The following WASL variants were observed in gnomAD, a reference collection of about 807,000 sequenced individuals.
WASL encodes the protein actin nucleation-promoting factor WASL.
A neutral mutation model predicts 55.5 loss-of-function variants in WASL; 20 were observed. The observed-to-expected ratio is 0.36, with a 90% confidence interval of 0.25 to 0.52. WASL has a LOEUF of 0.52. Among genes scored for constraint, WASL ranks in the 20% least tolerant of loss-of-function variants. The pLI is 0.92. For synonymous variants in WASL, 249 were observed against 217.6 expected, an observed-to-expected ratio of 1.14 and a Z score of -1.27; for missense variants, 504 against 622.5, an observed-to-expected ratio of 0.81 and a Z score of 2.03.
intron 2 of WASL, among the ~76,000 whole-genome samples, chr7:123,708,749 T>C (rs894012380): frequency 1.3e-5 from 2 of 151,912 alleles, no homozygotes; most frequent in East Asian, 3.9e-4. Context: ...TCTACGCTAT[T>C]CTATAATGAA....
chr7:123,699,526 C>CA (rs1803545103), intron 5 of WASL, among the ~76,000 whole-genome samples: 1 of 152,152 alleles, frequency 6.6e-6, no homozygotes, highest in Non-Finnish European at 1.5e-5. Flanking sequence ...GCCACTTTAG[C>CA]TTATATAAAA....
At chr7:123,740,187 A>C (rs1419645306) in intron 1 of WASL, among the ~76,000 whole-genome samples, 1 of 152,120 alleles carries the variant, frequency 6.6e-6, no homozygotes, top group African/African-American at 2.4e-5. Flanking sequence ...TATATCTCAT[A>C]CATATGTCAG....
intron 1 of WASL, among the ~76,000 whole-genome samples, chr7:123,737,292 A>G (rs1804250383): frequency 1.3e-5 from 2 of 152,174 alleles, no homozygotes; most frequent in African/African-American, 2.4e-5. Context: ...CTTGTAATTT[A>G]GTAAATTATA....
In WASL at chr7:123,689,073, C is replaced by A. The variant is rs1317450307; in HGVS notation, c.1425G>T (p.Met475Ile). Reference sequence around the variant, plus strand: ...AATGAATGGCTTTGCTCCTTTTCTGCATCACTTCCATTAATGCACCCACAA... The same window carrying A: ...AATGAATGGCTTTGCTCCTTTTCTGAATCACTTCCATTAATGCACCCACAA... ...SGIVGALMEV[M>I]QKRSKAIHSS... The change falls in exon 10 of 11, where the codon ATG becomes ATT. Residue 475 changes from methionine (M) to isoleucine (I), a missense_variant. Physicochemically the swap from Met to Ile is conservative, Grantham distance 10. This residue lies in a region of WASL where 53 missense variants were observed against 69.1 expected (regional missense o/e 0.77). Coordinates refer to ENST00000223023, the MANE Select transcript of WASL (RefSeq NM_003941.4). 6.2e-7 allele frequency: 1 copy of A among 1,609,044 alleles called. No homozygotes were observed. The highest frequency in any genetic ancestry group is 1.3e-5 in the African/African-American group (1 of 74,460).
chr7:123,713,400 A>C (rs577698092), intron 1 of WASL, among the ~76,000 whole-genome samples: 15 of 152,006 alleles, frequency 9.9e-5, no homozygotes, highest in Non-Finnish European at 1.6e-4. Context: ...TGATCCTCCT[A>C]CCTTGGCCTC....
chr7:123,715,712 C>G (rs958956323), intron 1 of WASL, among the ~76,000 whole-genome samples: 1 of 152,228 alleles, frequency 6.6e-6, no homozygotes, highest in Non-Finnish European at 1.5e-5. Context: ...GTGTGCTACA[C>G]AGCAGGCTTA....
At chr7:123,730,541 TA>T (rs369061122) in intron 1 of WASL, among the ~76,000 whole-genome samples, 135 of 151,598 alleles carry the variant, frequency 8.9e-4, no homozygotes, top group African/African-American at 3.2e-3. Flanking sequence ...GGCAACCACT[TA>T]AAAAATTGTA....
intron 1 of WASL, among the ~76,000 whole-genome samples, chr7:123,722,087 TAA>T (rs1010944436): frequency 9.2e-5 from 14 of 152,088 alleles, no homozygotes; most frequent in Non-Finnish European, 1.6e-4. Flanking sequence ...TACTGTTTAA[TAA>T]GGTCACCACT....
chr7:123,747,523 A>G (rs1804453434), intron 1 of WASL, among the ~76,000 whole-genome samples: 1 of 152,214 alleles, frequency 6.6e-6, no homozygotes, highest in South Asian at 2.1e-4. Context: ...CTAACTTCTT[A>G]AAGAAGCAGG....
At chr7:123,730,054 T>C (rs1382678147) in intron 1 of WASL, among the ~76,000 whole-genome samples, 4 of 151,888 alleles carry the variant, frequency 2.6e-5, no homozygotes, top group African/African-American at 7.3e-5. Context: ...AGTGAAAGAG[T>C]TGAGTGAAAT....
chr7:123,689,125 G>T lies in WASL; in HGVS notation c.1373C>A (p.Pro458Gln), dbSNP rs1249485286. The change falls in exon 10 of 11, where the codon CCA (proline) becomes CAA (glutamine). Residue 458 changes from proline to glutamine, a missense_variant. Around this residue, in one of 5 missense-constraint regions of WASL, gnomAD observed 53 missense variants for 69.1 expected, o/e 0.77. Coordinates refer to ENST00000223023, the MANE Select transcript of WASL (RefSeq NM_003941.4). ...TCCTGAAGTGGGTGCAGGTGTTGGTGGTGTAGACTCTTGGCCATCAGCCAC... is the reference window on the plus strand; with the variant it reads ...TCCTGAAGTGGGTGCAGGTGTTGGTTGTGTAGACTCTTGGCCATCAGCCAC... ...KSVADGQEST[P>Q]PTPAPTSGIV... 1.2e-6 allele frequency: 2 copies of T among 1,613,536 alleles called. No homozygotes were observed.
chr7:123,699,561 T>G (rs1803545688), intron 5 of WASL, among the ~76,000 whole-genome samples: 1 of 152,216 alleles, frequency 6.6e-6, no homozygotes, highest in South Asian at 2.1e-4. Context: ...TATAGATGAC[T>G]AGCATGGAAA....
At chr7:123,720,098 C>G (rs1803915724) in intron 1 of WASL, among the ~76,000 whole-genome samples, 1 of 152,180 alleles carries the variant, frequency 6.6e-6, no homozygotes. Context: ...TGTTTCCCAA[C>G]AACCAGTTTA....
intron 6 of WASL, 119 bp downstream of exon 6, chr7:123,696,460 A>T (rs536225655): frequency 1.7e-5 from 16 of 934,024 alleles, no homozygotes; most frequent in Middle Eastern, 3.6e-4. Context: ...AACGGTATCC[A>T]AGTGATGAAT....
rs1387645886 is a variant in WASL at position 123,682,562 on chromosome 7, A to C, written c.*1957T>G. ...TACCAAAGTCAGCTGGAAAATCTAG[A>C]ATTTCTTGGCCACAAGTTAAGAGAG... On this transcript the variant is annotated 3_prime_UTR_variant, in exon 11 of 11. Transcript: ENST00000223023. 6.6e-6 allele frequency: 1 copy of C among 152,132 alleles called. No individual in the cohort carries two copies. The highest frequency in any genetic ancestry group is 1.9e-4 in the East Asian group (1 of 5,202). The allele number at this position is 152,132 out of a possible 1,614,324, so 9.4% of individuals were successfully genotyped here.
At position 123,696,579 on chromosome 7, in the gene WASL, T is replaced by C; in HGVS notation, c.629A>G (p.Gln210Arg). 6.4e-7 allele frequency: 1 copy of C among 1,571,724 alleles called. No individual in the cohort carries two copies. Among genetic ancestry groups the C allele is most frequent in the Non-Finnish European group, 8.6e-7 (1 of 1,161,432 alleles). Reference sequence around the variant, plus strand: ...AAGAACAACAAAAGAACTGTCTTACTGGAAATTGCTTGGTGTTCCTATATC... The same window carrying C: ...AAGAACAACAAAAGAACTGTCTTACCGGAAATTGCTTGGTGTTCCTATATC... Reference protein sequence around the residue: ...KADIGTPSNFQHIGHVGWDPN... With the variant: ...KADIGTPSNFRHIGHVGWDPN... Residue 210 changes from glutamine to arginine, a missense_variant and splice_region_variant, in exon 6 of 11, where the codon CAG becomes CGG. Physicochemically the swap from Gln to Arg is conservative, Grantham distance 43 (BLOSUM62 1). Around this residue, in one of 5 missense-constraint regions of WASL, gnomAD observed 230 missense variants for 271.9 expected, o/e 0.85. Transcript: ENST00000223023.
intron 6 of WASL, 86 bp from the exon 7 acceptor site, chr7:123,695,951 T>C (rs942574599): frequency 8.7e-6 from 12 of 1,384,706 alleles, no homozygotes; most frequent in African/African-American, 5.8e-5. Context: ...CAATCTACAT[T>C]TGGCTTTGAA....
chr7:123,741,462 T>A (rs1007809682), intron 1 of WASL, among the ~76,000 whole-genome samples: 1 of 152,196 alleles, frequency 6.6e-6, no homozygotes, highest in Non-Finnish European at 1.5e-5. Flanking sequence ...TAACAATGTA[T>A]ATCCTATTAC....
At chr7:123,734,491 G>C (rs1177142533) in intron 1 of WASL, among the ~76,000 whole-genome samples, 1 of 150,262 alleles carries the variant, frequency 6.7e-6, no homozygotes, top group African/African-American at 2.4e-5. Context: ...ATGCTGGTGT[G>C]AATGTGGTGC....
Sources: allele counts gnomAD v4.1 joint callset (sites outside exome capture counted in the v4.1 genomes callset), GRCh38; gene constraint gnomAD v4.1.1; regional missense constraint gnomAD v4.1.1; transcripts MANE v1.5; gene names NCBI Gene and HGNC (gene_info 2026-07-23, HGNC 2026-07-21).